Variants in MCHR2 observed in about 807,000 individuals in gnomAD.
MCHR2 encodes melanin-concentrating hormone receptor 2.
Under a neutral mutation model 24.8 loss-of-function variants are expected in MCHR2, and 15 were observed. The ratio of observed to expected loss-of-function variants is 0.60; its 90% CI spans 0.40 to 0.93. MCHR2 has a LOEUF of 0.93. Ranked by LOEUF, MCHR2 falls within the 40% of genes least tolerant of loss-of-function variation. MCHR2 has a pLI of 0.00. For missense variants in MCHR2, 386 were observed against 408.7 expected, an observed-to-expected ratio of 0.94 and a Z score of 0.48; for synonymous variants, 151 against 147.6, an observed-to-expected ratio of 1.02 and a Z score of -0.17.
chr6:99,949,495 T>C lies in MCHR2; in HGVS notation c.183-1524A>G, dbSNP rs192388435. On this transcript the variant is annotated intron_variant, in intron 2 of 5. Transcript: ENST00000281806. The stretch of plus-strand genomic sequence containing the variant: ...GGCTAGTGCTCTGCTGTTTGGAAGC[T>C]AGTGTGTGTCTTTATTATTCATTGG... Among the ~76,000 whole-genome samples, 883 of 152,272 alleles carry C rather than the reference T, an allele frequency of 5.8e-3. 12 individuals are homozygous for C. Among genetic ancestry groups the C allele is most frequent in the Admixed American group, 0.023 (351 of 15,286 alleles).
intron 3 of MCHR2, among the ~76,000 whole-genome samples, chr6:99,946,213 C>G (rs572799305): frequency 5.9e-5 from 9 of 152,076 alleles, no homozygotes; most frequent in Non-Finnish European, 1.3e-4. Flanking sequence ...TGGGGCTTTT[C>G]TCATGACACA....
At chr6:99,925,105 A>G (rs186064498) in intron 5 of MCHR2, among the ~76,000 whole-genome samples, 1 of 152,200 alleles carries the variant, frequency 6.6e-6, no homozygotes, top group Admixed American at 6.5e-5. Flanking sequence ...TATATATTTT[A>G]AATTGTTATA....
chr6:99,955,514 T>A (rs1385127124), intron 2 of MCHR2, among the ~76,000 whole-genome samples: 3 of 152,140 alleles, frequency 2.0e-5, no homozygotes, highest in African/African-American at 7.2e-5. Context: ...AAGAATCTCT[T>A]TCACCTGCCT....
At chr6:99,969,367 A>C (rs953448467) in intron 1 of MCHR2, among the ~76,000 whole-genome samples, 9 of 148,612 alleles carry the variant, frequency 6.1e-5, no homozygotes, top group Non-Finnish European at 1.3e-4. Context: ...CCAGCTAGTC[A>C]GGAGGCTGAG....
chr6:99,941,173 C>T (rs760648327), intron 4 of MCHR2, among the ~76,000 whole-genome samples: 2 of 148,468 alleles, frequency 1.3e-5, no homozygotes, highest in Non-Finnish European at 3.0e-5. Context: ...TGTTTGGTGT[C>T]AGGCAGAATG....
chr6:99,985,173 A>G (rs978657936), intron 1 of MCHR2, among the ~76,000 whole-genome samples: 2 of 152,170 alleles, frequency 1.3e-5, no homozygotes, highest in Admixed American at 6.5e-5. Context: ...GAAAGAAATT[A>G]GAGATGACAC....
intron 2 of MCHR2, among the ~76,000 whole-genome samples, chr6:99,951,498 T>A (rs1774962663): frequency 6.6e-6 from 1 of 152,174 alleles, no homozygotes; most frequent in South Asian, 2.1e-4. Flanking sequence ...TTTTCATTTC[T>A]ATGCCCTCGC....
intron 2 of MCHR2, among the ~76,000 whole-genome samples, chr6:99,949,919 T>TAA (rs34593647): frequency 0.023 from 3,343 of 146,204 alleles, 111 homozygotes; most frequent in African/African-American, 0.074. Flanking sequence ...AGCTCCAAAC[T>TAA]AAAAAAAAAA....
rs751606950 is a variant in MCHR2 at position 99,947,273 on chromosome 6, C to T, written c.392+489G>A. On this transcript the variant is annotated intron_variant, in intron 3 of 5. Coordinates refer to ENST00000281806, the MANE Select transcript of MCHR2 (RefSeq NM_001040179.2). Reference sequence around the variant, plus strand: ...TGTATAATAACATCTATTTACTCCACTGATTCCTTAGAGCTATGAGGCAAT... The same window carrying T: ...TGTATAATAACATCTATTTACTCCATTGATTCCTTAGAGCTATGAGGCAAT... Among the ~76,000 whole-genome samples the T allele has an allele frequency of 7.9e-5, 12 of 152,304 alleles. No individual in the cohort carries two copies. The South Asian group carries it at 2.5e-3, about 32-fold the overall frequency.
chr6:99,987,827 T>G (rs1775797754), intron 1 of MCHR2, among the ~76,000 whole-genome samples: 1 of 152,174 alleles, frequency 6.6e-6, no homozygotes, highest in African/African-American at 2.4e-5. Context: ...GTTTTAAAAT[T>G]TTTCATGGGG....
chr6:99,922,087 G>T (rs1282930024), intron 5 of MCHR2, among the ~76,000 whole-genome samples: 1 of 147,620 alleles, frequency 6.8e-6, no homozygotes, highest in Non-Finnish European at 1.5e-5. Flanking sequence ...TTTTCAACTT[G>T]TTGCGATCCC....
chr6:99,975,196 T>C (rs988957659), intron 1 of MCHR2, among the ~76,000 whole-genome samples: 1 of 152,184 alleles, frequency 6.6e-6, no homozygotes, highest in Non-Finnish European at 1.5e-5. Context: ...GGCAGGCAGG[T>C]CTCCTTGAGC....
intron 1 of MCHR2, among the ~76,000 whole-genome samples, chr6:99,966,440 T>C (rs1445796461): frequency 1.3e-5 from 2 of 152,192 alleles, no homozygotes; most frequent in Non-Finnish European, 2.9e-5. Flanking sequence ...TAATTTCAAA[T>C]TGGGAAACTC....
At chr6:99,948,693 A>C (rs118048481) in intron 2 of MCHR2, among the ~76,000 whole-genome samples, 28 of 152,316 alleles carry the variant, frequency 1.8e-4, no homozygotes, top group South Asian at 8.3e-4. Context: ...AAGTTATACC[A>C]ACTTTAAATA....
At chr6:99,982,633 A>T (rs1253791856) in intron 1 of MCHR2, among the ~76,000 whole-genome samples, 1 of 151,600 alleles carries the variant, frequency 6.6e-6, no homozygotes, top group Non-Finnish European at 1.5e-5. Context: ...AGTGAGACCT[A>T]CTCTCCAGAA....
intron 2 of MCHR2, among the ~76,000 whole-genome samples, chr6:99,953,679 A>G (rs554394780): frequency 7.3e-6 from 1 of 137,778 alleles, no homozygotes; most frequent in Non-Finnish European, 1.6e-5. Context: ...CTTTTTAGAT[A>G]GACGCTGCTT....
chr6:99,973,518 A>G (rs1775479957), intron 1 of MCHR2, among the ~76,000 whole-genome samples: 2 of 152,052 alleles, frequency 1.3e-5, no homozygotes, highest in South Asian at 4.1e-4. Flanking sequence ...TCTTTATCCA[A>G]TTTGCCAGTC....
chr6:99,934,398 C>T lies in MCHR2; in HGVS notation c.707G>A (p.Cys236Tyr). 1 of 1,568,696 alleles carries T rather than the reference C, an allele frequency of 6.4e-7. No homozygotes were observed. Among genetic ancestry groups the T allele is most frequent in the Non-Finnish European group, 8.6e-7 (1 of 1,163,886 alleles). The change falls in exon 5 of 6, where the codon TGC (cysteine) becomes TAC (tyrosine). Residue 236 changes from cysteine to tyrosine, a missense_variant and splice_region_variant. Physicochemically the swap from Cys to Tyr is radical, Grantham distance 194. Transcript: ENST00000281806. ...EMYQQNKDAR[C>Y]CNPSVPKQRV... is the part of the protein sequence containing the mutation. Reference sequence around the variant, plus strand: ...CAAATAAAACAAGGCAAACACTTACCATCTGGCATCCTTATTCTGTTGATA... The same window carrying T: ...CAAATAAAACAAGGCAAACACTTACTATCTGGCATCCTTATTCTGTTGATA...
intron 1 of MCHR2, among the ~76,000 whole-genome samples, chr6:99,970,216 C>T (rs888654446): frequency 4.5e-4 from 68 of 151,848 alleles, no homozygotes; most frequent in African/African-American, 1.5e-3. Context: ...TCCTCTCCAG[C>T]ACCTGTTGTT....
Sources: allele counts gnomAD v4.1 joint callset (sites outside exome capture counted in the v4.1 genomes callset), GRCh38; gene constraint gnomAD v4.1.1; transcripts MANE v1.5; gene names NCBI Gene and HGNC (gene_info 2026-07-23, HGNC 2026-07-21).